The following ABCC9 variants were observed in gnomAD, a reference collection of about 807,000 sequenced individuals.
ABCC9 encodes ATP-binding cassette sub-family C member 9.
ABCC9 carries 95 observed loss-of-function variants against 188.3 expected under a neutral mutation model. The ratio of observed to expected loss-of-function variants is 0.50; its 90% CI spans 0.43 to 0.60. The LOEUF is 0.60. Among genes scored for constraint, ABCC9 ranks in the 20% least tolerant of loss-of-function variants. ABCC9 has a pLI of 0.00. For missense variants in ABCC9, 1,102 were observed against 1,876.3 expected, an observed-to-expected ratio of 0.59 and a Z score of 7.62; for synonymous variants, 659 against 652.7, an observed-to-expected ratio of 1.01 and a Z score of -0.15.
At chr12:21,907,370 A>T (rs1374889094) in intron 11 of ABCC9, among the ~76,000 whole-genome samples, 2 of 152,036 alleles carry the variant, frequency 1.3e-5, no homozygotes. Flanking sequence ...CGAACTTGAG[A>T]AACAATCCTG....
intron 15 of ABCC9, among the ~76,000 whole-genome samples, chr12:21,886,198 T>C (rs1333186111): frequency 6.6e-6 from 1 of 152,154 alleles, no homozygotes; most frequent in Non-Finnish European, 1.5e-5. Flanking sequence ...CCAATGCTTA[T>C]GTCTCTTCTT....
At chr12:21,809,061 A>G (rs1351505749) in intron 37 of ABCC9, among the ~76,000 whole-genome samples, 2 of 152,194 alleles carry the variant, frequency 1.3e-5, no homozygotes, top group Non-Finnish European at 2.9e-5. Context: ...CAATTTGGCA[A>G]CTATATATTG....
intron 31 of ABCC9, among the ~76,000 whole-genome samples, chr12:21,821,500 T>A (rs1248766486): frequency 6.6e-6 from 1 of 152,086 alleles, no homozygotes; most frequent in East Asian, 1.9e-4. Context: ...AGAACAGATT[T>A]GGACAAAATA....
At chr12:21,895,643 G>T (rs1473234749) in intron 12 of ABCC9, among the ~76,000 whole-genome samples, 1 of 152,098 alleles carries the variant, frequency 6.6e-6, no homozygotes, top group Non-Finnish European at 1.5e-5. Context: ...CTACAGAGGG[G>T]TTACAGTCTA....
intron 11 of ABCC9, 136 bp from the exon 12 acceptor site, chr12:21,906,424 C>T (rs951823190): frequency 1.3e-5 from 11 of 856,646 alleles, no homozygotes; most frequent in African/African-American, 1.7e-5. Flanking sequence ...TTGTGAAGTT[C>T]CCAGGAGAAG....
At chr12:21,849,218 A>T (rs704181) in intron 24 of ABCC9, among the ~76,000 whole-genome samples, 151,181 of 152,284 alleles carry the variant, frequency 0.99, 75,054 homozygotes, top group East Asian at 1. Context: ...GTTACATCAA[A>T]AAACCAATAA....
At chr12:21,928,366 AAAAG>A (rs1392041241) in intron 4 of ABCC9, among the ~76,000 whole-genome samples, 1 of 149,246 alleles carries the variant, frequency 6.7e-6, no homozygotes, top group Non-Finnish European at 1.5e-5. Context: ...GAAAGAAAGA[AAAAG>A]AAAAAGAGAG....
intron 33 of ABCC9, 24 bp from the exon 34 acceptor site, chr12:21,815,917 G>C (rs1304571098): frequency 6.2e-7 from 1 of 1,605,322 alleles, no homozygotes; most frequent in East Asian, 2.2e-5. Flanking sequence ...TGGGGAAATA[G>C]ACAGATAATA....
chr12:21,915,428 G>A (rs7963172), intron 7 of ABCC9, among the ~76,000 whole-genome samples: 1 of 120,270 alleles, frequency 8.3e-6, no homozygotes, highest in Non-Finnish European at 1.7e-5. Context: ...GTATATATGT[G>A]TGTATATATG....
intron 22 of ABCC9, among the ~76,000 whole-genome samples, chr12:21,857,542 A>C (rs1363257667): frequency 1.3e-5 from 2 of 152,082 alleles, no homozygotes; most frequent in African/African-American, 4.8e-5. Context: ...GTGTTACCTT[A>C]TATGTCCAGC....
chr12:21,864,899 G>A (rs770833835), intron 18 of ABCC9, among the ~76,000 whole-genome samples: 1 of 152,058 alleles, frequency 6.6e-6, no homozygotes, highest in Non-Finnish European at 1.5e-5. Flanking sequence ...CTACCCTAAG[G>A]TAGCAGCAGA....
chr12:21,833,762 T>A (rs1943908879), intron 30 of ABCC9, among the ~76,000 whole-genome samples: 4 of 152,150 alleles, frequency 2.6e-5, no homozygotes, highest in Admixed American at 2.6e-4. Context: ...CAAATACTCT[T>A]CAAGCTGAAG....
intron 25 of ABCC9, among the ~76,000 whole-genome samples, chr12:21,847,541 A>C (rs1035097204): frequency 6.6e-6 from 1 of 152,202 alleles, no homozygotes. Flanking sequence ...TACTCTATTG[A>C]CTTAAAAGGT....
Position 21,813,097 on chromosome 12 carries a change from T to C in ABCC9, c.4103-940A>G, listed in dbSNP as rs185268442. Reference sequence around the variant, plus strand: ...CTTTTACTTATCTTTTTTTATTGTCTGTTCCCCAACTAGAATACAAGCTCT... The same window carrying C: ...CTTTTACTTATCTTTTTTTATTGTCCGTTCCCCAACTAGAATACAAGCTCT... On this transcript the variant is annotated intron_variant, in intron 35 of 39. Transcript: ENST00000261200. Among the ~76,000 whole-genome samples, 56 of 152,316 alleles carry C rather than the reference T, an allele frequency of 3.7e-4. 1 individual carries two copies. Among genetic ancestry groups the C allele is most frequent in the African/African-American group, 1.3e-3 (53 of 41,580 alleles).
At chr12:21,939,538 A>T (rs992753718) in intron 2 of ABCC9, among the ~76,000 whole-genome samples, 6 of 152,306 alleles carry the variant, frequency 3.9e-5, no homozygotes, top group Non-Finnish European at 8.8e-5. Flanking sequence ...GGAAGGGTAT[A>T]AATCGCTGTT....
intron 17 of ABCC9, 110 bp downstream of exon 17, chr12:21,875,544 A>G (rs1946298331): frequency 1.2e-6 from 1 of 816,234 alleles, no homozygotes. Flanking sequence ...AGGTAATCAT[A>G]AATAATATTT....
At chr12:21,827,644 T>G (rs970906697) in intron 31 of ABCC9, among the ~76,000 whole-genome samples, 2 of 151,988 alleles carry the variant, frequency 1.3e-5, no homozygotes, top group Non-Finnish European at 2.9e-5. Flanking sequence ...GGAATAATGT[T>G]TTGGTTTTGT....
intron 16 of ABCC9, among the ~76,000 whole-genome samples, chr12:21,879,006 A>G (rs1435614005): frequency 6.6e-6 from 1 of 152,216 alleles, no homozygotes; most frequent in Non-Finnish European, 1.5e-5. Context: ...GATAGGTACA[A>G]TGATGATCAT....
intron 21 of ABCC9, among the ~76,000 whole-genome samples, chr12:21,860,408 G>A (rs1415421081): frequency 6.6e-6 from 1 of 152,250 alleles, no homozygotes; most frequent in Non-Finnish European, 1.5e-5. Context: ...TGCAGATAAC[G>A]ATAACACCCA....
Sources: gnomAD v4.1 joint callset for allele counts (sites outside exome capture counted in the v4.1 genomes callset) on GRCh38, gnomAD v4.1.1 for gene constraint, MANE v1.5 for transcripts, NCBI Gene and HGNC (gene_info 2026-07-23, HGNC 2026-07-21) for gene names.